Variants in PCDHGA3 observed in about 807,000 individuals in gnomAD.
PCDHGA3 encodes protocadherin gamma-A3.
Under a neutral mutation model 58.5 loss-of-function variants are expected in PCDHGA3, and 40 were observed. The observed-to-expected ratio is 0.68, with a 90% CI of 0.53 to 0.89. The LOEUF is 0.89. PCDHGA3 is among the 40% of genes least tolerant of loss of function. The probability of loss-of-function intolerance (pLI) is 0.00; values close to 1 mark genes in which losing one functional copy is unlikely to be tolerated. For synonymous variants in PCDHGA3, 530 were observed against 525.7 expected, an observed-to-expected ratio of 1.01 and a Z score of -0.11; for missense variants, 1,223 against 1,195.9, an observed-to-expected ratio of 1.02 and a Z score of -0.33.
intron 1 of PCDHGA3, among the ~76,000 whole-genome samples, chr5:141,483,553 C>G (rs955671854): frequency 2.0e-5 from 3 of 152,230 alleles, no homozygotes; most frequent in Admixed American, 2.0e-4. Context: ...CAGTGCCATT[C>G]ACAGAGACAG....
At chr5:141,419,588 A>T in intron 1 of PCDHGA3, 1 of 1,611,830 alleles carries the variant, frequency 6.2e-7, no homozygotes, top group East Asian at 2.2e-5. Flanking sequence ...GCTCTTCGAC[A>T]CAGTGCCGCG....
chr5:141,437,252 CTT>C (rs1030396727), intron 1 of PCDHGA3, among the ~76,000 whole-genome samples: 3 of 152,268 alleles, frequency 2.0e-5, no homozygotes, highest in Admixed American at 6.5e-5. Context: ...CTTTCCTTGT[CTT>C]TTTATGTGTA....
At chr5:141,410,619 C>G in intron 1 of PCDHGA3, 1 of 1,603,732 alleles carries the variant, frequency 6.2e-7, no homozygotes, top group Admixed American at 1.7e-5. Context: ...ACTCTGACTT[C>G]GGTGAGTTTC....
chr5:141,437,116 GA>G (rs914218907), intron 1 of PCDHGA3, among the ~76,000 whole-genome samples: 4 of 152,150 alleles, frequency 2.6e-5, no homozygotes, highest in African/African-American at 9.7e-5. Flanking sequence ...GGATTTTTAG[GA>G]CACTTGTTGA....
rs920444759 is a variant in PCDHGA3, at chr5:141,432,767, C to G, written c.2425-62040C>G. On this transcript the variant is annotated intron_variant, in intron 1 of 3. Transcript: ENST00000253812. The surrounding 1 kb of genome is among the most constrained non-coding windows in gnomAD (Gnocchi z 6.0). ...CGTGGCCGTGGCCGACAGCATCCCC[C>G]AAGTCCTGGCGGACCTCGGCAGCCT... 2 of 1,614,058 alleles carry G rather than the reference C, an allele frequency of 1.2e-6. No individual in the cohort carries two copies. Among genetic ancestry groups the G allele is most frequent in the Admixed American group, 1.7e-5 (1 of 60,012 alleles).
chr5:141,476,831 G>C lies in PCDHGA3; in HGVS notation c.2425-17976G>C, dbSNP rs779348525. ...TCACATCAAGGTGCTGGACGCGAAT[G>C]ACAATGCGCCTGTCTTCAACCAGTC... On this transcript the variant is annotated intron_variant, in intron 1 of 3. Transcript: ENST00000253812. This position sits in a 1 kb window ranked among gnomAD's most constrained non-coding sequence, Gnocchi z 7.6. 1 of 1,613,504 alleles carries C rather than the reference G, an allele frequency of 6.2e-7. No homozygotes were observed. Among genetic ancestry groups the C allele is most frequent in the Non-Finnish European group, 8.5e-7 (1 of 1,180,050 alleles).
Position 141,365,232 on chromosome 5 carries a change from T to C in PCDHGA3, c.2424+18775T>C, listed in dbSNP as rs762059066. 20 of 1,613,878 alleles carry C rather than the reference T, an allele frequency of 1.2e-5. No individual in the cohort carries two copies. The South Asian group carries it at 2.2e-4, about 18-fold the overall frequency. On this transcript the variant is annotated intron_variant, in intron 1 of 3. Transcript: ENST00000253812. ...CAACTTGATTCCAACCTGGGGGAAA[T>C]CTCAACTCTACAATCACTGGACTAT...
At chr5:141,419,558 C>T (rs560723941) in intron 1 of PCDHGA3, 1 of 1,611,970 alleles carries the variant, frequency 6.2e-7, no homozygotes, top group African/African-American at 1.3e-5. Context: ...GTACCCTGCG[C>T]TGGGTCCCGA....
chr5:141,424,497 A>G (rs2096824503), intron 1 of PCDHGA3: 2 of 152,174 alleles, frequency 1.3e-5, no homozygotes, highest in African/African-American at 2.4e-5. Flanking sequence ...GTTTGTATGT[A>G]TGGAAGGTTT....
chr5:141,364,173 G>C, intron 1 of PCDHGA3: 1 of 806,624 alleles, frequency 1.2e-6, no homozygotes. Flanking sequence ...ACCCGACTCT[G>C]CTCCCTCCAT....
In PCDHGA3 at chr5:141,485,457, T is replaced by G; in HGVS notation, c.2425-9350T>G. 1 of 1,614,124 alleles carries G rather than the reference T, an allele frequency of 6.2e-7. No individual in the cohort carries two copies. Among genetic ancestry groups the G allele is most frequent in the Non-Finnish European group, 8.5e-7 (1 of 1,180,020 alleles). On this transcript the variant is annotated intron_variant, in intron 1 of 3. Coordinates refer to ENST00000253812, the MANE Select transcript of PCDHGA3 (RefSeq NM_018916.4). This position sits in a 1 kb window ranked among gnomAD's most constrained non-coding sequence, Gnocchi z 5.7. ...AAGAACCCAATCGACCGAGAGGCAC[T>G]GTGTGGGCTCAGTGCCAGCTGCATC...
rs750914672 is a variant in PCDHGA3 at position 141,371,927 on chromosome 5, C to A, written c.2424+25470C>A. ...CCTACGTGTCCGTGAGCGCGCGGAG[C>A]GGGGTGGTGTTCGCGCAGCGAGCCT... On this transcript the variant is annotated intron_variant, in intron 1 of 3. Coordinates refer to ENST00000253812, the MANE Select transcript of PCDHGA3 (RefSeq NM_018916.4). 53 of 1,613,208 alleles carry A rather than the reference C, an allele frequency of 3.3e-5. No homozygotes were observed. The highest frequency in any genetic ancestry group is 3.9e-5 in the Non-Finnish European group (46 of 1,179,904).
chr5:141,361,424 C>A (rs1231481755), intron 1 of PCDHGA3: 1 of 1,613,912 alleles, frequency 6.2e-7, no homozygotes, highest in East Asian at 2.2e-5. Flanking sequence ...GGGGGCAAGC[C>A]GCCCCTCTCC....
At chr5:141,371,741 T>TC (rs1767992847) in intron 1 of PCDHGA3, 2 of 1,614,004 alleles carry the variant, frequency 1.2e-6, no homozygotes, top group South Asian at 2.2e-5. Context: ...ACGACAACGT[T>TC]CCCGTTTTCC....
At chr5:141,461,273 C>A (rs1301916233) in intron 1 of PCDHGA3, among the ~76,000 whole-genome samples, 1 of 152,128 alleles carries the variant, frequency 6.6e-6, no homozygotes, top group Admixed American at 6.6e-5. Flanking sequence ...TAAGTGTTCT[C>A]TTTTCCCCAC....
At chr5:141,372,987 A>T (rs1769224200) in intron 1 of PCDHGA3, 5 of 640,814 alleles carry the variant, frequency 7.8e-6, no homozygotes, top group Non-Finnish European at 1.0e-5. Flanking sequence ...TCTGTGTTGC[A>T]GTTGTTCTTT....
chr5:141,414,785 C>A, intron 1 of PCDHGA3: 1 of 1,614,232 alleles, frequency 6.2e-7, no homozygotes, highest in Non-Finnish European at 8.5e-7. Context: ...ATGCAGGTGA[C>A]AGCCAGCGAC....
chr5:141,414,934 G>A (rs1473788181), intron 1 of PCDHGA3: 1 of 1,614,146 alleles, frequency 6.2e-7, no homozygotes, highest in South Asian at 1.1e-5. Context: ...CCGCTCCGCA[G>A]AGCCCGGCTA....
rs529029548 is a variant in PCDHGA3 at position 141,483,337 on chromosome 5, T to C, written c.2425-11470T>C. 9.2e-5 allele frequency among the ~76,000 whole-genome samples: 14 copies of C among 152,260 alleles called. No homozygotes were observed. In the East Asian group the frequency reaches 2.5e-3, roughly 27 times the overall value. On this transcript the variant is annotated intron_variant, in intron 1 of 3. Transcript: ENST00000253812. Reference sequence around the variant, plus strand: ...TGGGACTGGAGGCAAAGAGATCTTATCTCTTTGCAATAGTTTGAAAGCTAT... The same window carrying C: ...TGGGACTGGAGGCAAAGAGATCTTACCTCTTTGCAATAGTTTGAAAGCTAT...
Sources: gnomAD v4.1 joint callset for allele counts (sites outside exome capture counted in the v4.1 genomes callset) on GRCh38, gnomAD v4.1.1 for gene constraint, Gnocchi (gnomAD v3.1) non-coding constraint, MANE v1.5 for transcripts, NCBI Gene and HGNC (gene_info 2026-07-23, HGNC 2026-07-21) for gene names.